The following STAM variants were observed in gnomAD, a reference collection of about 807,000 sequenced individuals.
The protein encoded by STAM is signal transducing adapter molecule 1.
In STAM, 16 loss-of-function variants were observed where a neutral mutation model predicts 63.4. The observed-to-expected ratio is 0.25, with a 90% CI of 0.17 to 0.38. The LOEUF (loss-of-function observed/expected upper bound fraction) is 0.38. Ranked by LOEUF, STAM falls within the 10% of genes least tolerant of loss-of-function variation. The probability of loss-of-function intolerance (pLI) is 1.00; values close to 1 mark genes in which losing one functional copy is unlikely to be tolerated. For missense variants in STAM, 636 were observed against 657.1 expected (o/e 0.97, Z 0.35); for synonymous variants, 238 against 223.9 (o/e 1.06, Z -0.56).
chr10:17,699,703 A>G lies in STAM; in HGVS notation c.824-488A>G, dbSNP rs150838031. ...TCTCTAAACGCCTACGTGGCACGCC[A>G]GATAATACATAGCTGATTTTCCCAT... On this transcript the variant is annotated intron_variant, in intron 8 of 13. Coordinates refer to ENST00000377524, the MANE Select transcript of STAM (RefSeq NM_003473.4). 3.4e-3 allele frequency among the ~76,000 whole-genome samples: 523 copies of G among 152,372 alleles called. 2 individuals carry two copies. Among genetic ancestry groups the G allele is most frequent in the Non-Finnish European group, 5.3e-3 (362 of 68,038 alleles).
At chr10:17,661,344 A>G (rs1177734881) in intron 2 of STAM, among the ~76,000 whole-genome samples, 2 of 152,212 alleles carry the variant, frequency 1.3e-5, no homozygotes, top group Non-Finnish European at 2.9e-5. Context: ...TTGCAGTGGT[A>G]ATATGAAGCC....
At chr10:17,708,028 C>T (rs1380084966) in intron 12 of STAM, among the ~76,000 whole-genome samples, 1 of 152,006 alleles carries the variant, frequency 6.6e-6, no homozygotes, top group Non-Finnish European at 1.5e-5. Context: ...GTAGCTGGGA[C>T]TGCAGGCGCC....
chr10:17,709,007 C>T (rs1445227184), intron 13 of STAM, 56 bp downstream of exon 13: 2 of 1,548,114 alleles, frequency 1.3e-6, no homozygotes, highest in African/African-American at 2.7e-5. Flanking sequence ...TGTTTAAGTG[C>T]CCCCAGTTAT....
intron 2 of STAM, among the ~76,000 whole-genome samples, chr10:17,664,095 G>C (rs1277167699): frequency 3.9e-5 from 6 of 151,904 alleles, no homozygotes; most frequent in African/African-American, 1.4e-4. Flanking sequence ...AAACATTTAC[G>C]TGTACTTCCA....
intron 2 of STAM, among the ~76,000 whole-genome samples, chr10:17,663,618 C>T (rs1286543316): frequency 6.6e-6 from 1 of 151,920 alleles, no homozygotes; most frequent in Non-Finnish European, 1.5e-5. Context: ...TTATTGCTCT[C>T]TGGTTCTTTT....
At chr10:17,713,880 G>A (rs1352685610) in intron 13 of STAM, among the ~76,000 whole-genome samples, 3 of 151,990 alleles carry the variant, frequency 2.0e-5, no homozygotes, top group African/African-American at 7.3e-5. Context: ...CCTTATTGTG[G>A]CCATCAGGTG....
chr10:17,706,760 G>GTAA (rs1386232343), intron 12 of STAM, among the ~76,000 whole-genome samples: 1 of 151,998 alleles, frequency 6.6e-6, no homozygotes, highest in Non-Finnish European at 1.5e-5. Context: ...CACTCAATAT[G>GTAA]TATAGCCTTT....
intron 2 of STAM, 114 bp from the exon 3 acceptor site, chr10:17,684,561 T>G (rs1835216914): frequency 2.8e-6 from 2 of 709,750 alleles, no homozygotes; most frequent in East Asian, 5.8e-5. Flanking sequence ...AAATTAAATT[T>G]CCCTACTTTA....
intron 2 of STAM, among the ~76,000 whole-genome samples, chr10:17,661,482 G>A (rs531382208): frequency 6.6e-6 from 1 of 152,172 alleles, no homozygotes; most frequent in East Asian, 1.9e-4. Context: ...CTGTCTTTAT[G>A]TAGATGGCAT....
At chr10:17,691,559 C>G (rs1328973607) in intron 5 of STAM, among the ~76,000 whole-genome samples, 1 of 152,122 alleles carries the variant, frequency 6.6e-6, no homozygotes, top group African/African-American at 2.4e-5. Flanking sequence ...TTTGACAACA[C>G]GAAATCCAGT....
At chr10:17,665,394 C>G (rs567008809) in intron 2 of STAM, among the ~76,000 whole-genome samples, 1 of 152,102 alleles carries the variant, frequency 6.6e-6, no homozygotes, top group African/African-American at 2.4e-5. Context: ...TTTCGCTGCT[C>G]TCATCTTCTA....
At chr10:17,655,707 A>C (rs73603855) in intron 1 of STAM, among the ~76,000 whole-genome samples, 2,992 of 152,278 alleles carry the variant, frequency 0.02, 103 homozygotes, top group African/African-American at 0.067. Flanking sequence ...TTTCATTATC[A>C]CTTGGTCAAG....
At chr10:17,658,619 T>C (rs1834038568) in intron 1 of STAM, among the ~76,000 whole-genome samples, 1 of 152,164 alleles carries the variant, frequency 6.6e-6, no homozygotes, top group Non-Finnish European at 1.5e-5. Flanking sequence ...TGAGTGATCC[T>C]CCTATCTCAG....
chr10:17,711,628 A>C (rs1836557284), intron 13 of STAM, among the ~76,000 whole-genome samples: 1 of 152,188 alleles, frequency 6.6e-6, no homozygotes, highest in Non-Finnish European at 1.5e-5. Flanking sequence ...GTCACGTCAG[A>C]GATGTGGTAG....
intron 12 of STAM, among the ~76,000 whole-genome samples, chr10:17,707,894 A>G (rs1435051540): frequency 6.8e-6 from 1 of 148,138 alleles, no homozygotes; most frequent in Non-Finnish European, 1.5e-5. Flanking sequence ...TTTTTTTTTT[A>G]ATAAACTTTT....
At chr10:17,658,524 T>C (rs1554822449) in intron 1 of STAM, among the ~76,000 whole-genome samples, 1 of 151,032 alleles carries the variant, frequency 6.6e-6, no homozygotes, top group Non-Finnish European at 1.5e-5. Flanking sequence ...CCTGTCCATT[T>C]CTTCTTTTTT....
intron 2 of STAM, chr10:17,673,054 G>A: frequency 2.0e-6 from 2 of 985,260 alleles, no homozygotes; most frequent in Non-Finnish European, 2.4e-6. Context: ...TGAGAGAGAT[G>A]AGGATTTGCC....
intron 4 of STAM, 118 bp downstream of exon 4, chr10:17,685,045 G>A (rs1835239829): frequency 1.4e-6 from 1 of 695,806 alleles, no homozygotes; most frequent in South Asian, 2.2e-5. Flanking sequence ...TCTAGGCTGT[G>A]TCTATCCAGT....
At chr10:17,658,007 G>A in intron 1 of STAM, among the ~76,000 whole-genome samples, 1 of 151,728 alleles carries the variant, frequency 6.6e-6, no homozygotes, top group Admixed American at 6.6e-5. Context: ...TCTTCTGCTT[G>A]CTTAGTTTGG....
Sources: allele counts gnomAD v4.1 joint callset (sites outside exome capture counted in the v4.1 genomes callset), GRCh38; gene constraint gnomAD v4.1.1; transcripts MANE v1.5; gene names NCBI Gene and HGNC (gene_info 2026-07-23, HGNC 2026-07-21).